SAMD5: variants seen among roughly 807,000 people sequenced by gnomAD.
SAMD5 encodes sterile alpha motif domain-containing protein 5.
In SAMD5, 13 loss-of-function variants were observed where a neutral mutation model predicts 11.3. The observed-to-expected ratio is 1.15, with a 90% CI of 0.75 to 1.83. The LOEUF is 1.83. SAMD5 is among the 40% of genes most tolerant of loss of function. SAMD5 has a pLI of 0.00. For synonymous variants in SAMD5, 129 were observed against 111.3 expected, an observed-to-expected ratio of 1.16 and a Z score of -1.00; for missense variants, 255 against 239.1, an observed-to-expected ratio of 1.07 and a Z score of -0.44.
At chr6:147,688,935 C>T (rs1399257382) in intron 1 of SAMD5, among the ~76,000 whole-genome samples, 1 of 152,174 alleles carries the variant, frequency 6.6e-6, no homozygotes, top group Non-Finnish European at 1.5e-5. Flanking sequence ...TTGTGAAGCA[C>T]CAAAAAGCTC....
In SAMD5 at chr6:147,566,540, G is replaced by A; in HGVS notation, c.*2084G>A. ...TTATTTTCACTGTGGGCCTTATGAGGCAATCTACTGCAATGGAAAAAGGGT... is the reference window on the plus strand; with the variant it reads ...TTATTTTCACTGTGGGCCTTATGAGACAATCTACTGCAATGGAAAAAGGGT... On this transcript the variant is annotated 3_prime_UTR_variant, in exon 2 of 2. Coordinates refer to ENST00000367474, the MANE Select transcript of SAMD5 (RefSeq NM_001030060.3). 1 of 984,670 alleles carries A rather than the reference G, an allele frequency of 1.0e-6. No homozygotes were observed. The highest frequency in any genetic ancestry group is 1.2e-6 in the Non-Finnish European group (1 of 828,928). The allele number at this position is 984,670 out of a possible 1,614,324, so 61.0% of individuals were successfully genotyped here.
the SAMD5 span, chr6:147,953,375 A>T: frequency 6.6e-6 from 1 of 152,280 alleles, no homozygotes; most frequent in East Asian, 1.9e-4. Context: ...AATGGATATG[A>T]AATCTGAAGA....
Position 147,508,984 on chromosome 6 carries a change from C to A in SAMD5, c.56C>A (p.Ala19Glu). ...AAAGCGCTGCAGCTTCCGCAGTACG[C>A]GGAGTCCTTCGTGGATAACGGCTAC... ...WLKALQLPQY[A>E]ESFVDNGYDD... The change falls in exon 1 of 2, where the codon GCG (alanine) becomes GAG (glutamate). Residue 19 changes from alanine to glutamate, a missense_variant. Transcript: ENST00000367474. 6.2e-7 allele frequency: 1 copy of A among 1,601,614 alleles called. No homozygotes were observed.
the SAMD5 span, among the ~76,000 whole-genome samples, chr6:147,903,513 G>T: frequency 1.3e-5 from 2 of 152,156 alleles, no homozygotes; most frequent in Non-Finnish European, 2.9e-5. Flanking sequence ...TCAAGATGGT[G>T]GACTGACCAC....
At chr6:147,794,463 TAA>T in the SAMD5 span, among the ~76,000 whole-genome samples, 1 of 152,150 alleles carries the variant, frequency 6.6e-6, no homozygotes, top group Non-Finnish European at 1.5e-5. Flanking sequence ...TTGCATCATA[TAA>T]AAAGACTTCC....
At chr6:147,751,572 G>A in the SAMD5 span, among the ~76,000 whole-genome samples, 1 of 152,158 alleles carries the variant, frequency 6.6e-6, no homozygotes, top group Non-Finnish European at 1.5e-5. Context: ...TATAATTAAT[G>A]CATGCCGAAG....
the SAMD5 span, among the ~76,000 whole-genome samples, chr6:147,845,116 TTAAG>T: frequency 1.3e-5 from 2 of 152,154 alleles, no homozygotes; most frequent in Admixed American, 1.3e-4. Flanking sequence ...TATACAATTA[TTAAG>T]TATCAATTAA....
intron 1 of SAMD5, among the ~76,000 whole-genome samples, chr6:147,604,672 C>G (rs556677435): frequency 6.6e-6 from 1 of 152,148 alleles, no homozygotes; most frequent in African/African-American, 2.4e-5. Flanking sequence ...GATTCTCCAG[C>G]GCATTGACTT....
Position 147,569,557 on chromosome 6 carries a change from C to T in SAMD5, c.*5101C>T, listed in dbSNP as rs1789103703. On this transcript the variant is annotated 3_prime_UTR_variant, in exon 2 of 2. Transcript: ENST00000367474. ...ATACCCTTAATTAGATGAATTATCC[C>T]TTATCATTCCAAAAATGAAATGCTG... 1.7e-5 allele frequency: 16 copies of T among 941,086 alleles called. No homozygotes were observed. The highest frequency in any genetic ancestry group is 3.6e-5 in the African/African-American group (2 of 56,286). 58.3% of individuals were successfully genotyped at this position (941,086 alleles called of 1,614,324 possible). A position where few individuals can be genotyped will look rare whatever the true frequency, so the allele number is the denominator to read the frequency against.
chr6:147,712,862 T>C (rs893548610), intron 1 of SAMD5, among the ~76,000 whole-genome samples: 1 of 152,154 alleles, frequency 6.6e-6, no homozygotes, highest in Non-Finnish European at 1.5e-5. Context: ...TATTTTGTTA[T>C]AGCAGACTAA....
chr6:147,710,476 C>T (rs750069042), intron 1 of SAMD5, among the ~76,000 whole-genome samples: 11 of 152,146 alleles, frequency 7.2e-5, no homozygotes, highest in Non-Finnish European at 1.5e-4. Flanking sequence ...AGATGTGAAT[C>T]GTGCCTTTGT....
At chr6:147,525,278 G>T (rs1478082294) in intron 1 of SAMD5, among the ~76,000 whole-genome samples, 1 of 146,124 alleles carries the variant, frequency 6.8e-6, no homozygotes, top group African/African-American at 2.6e-5. Flanking sequence ...CTGTCTATGT[G>T]GTTCATGGAA....
At chr6:147,610,325 T>C (rs1562332726) in intron 1 of SAMD5, among the ~76,000 whole-genome samples, 1 of 152,048 alleles carries the variant, frequency 6.6e-6, no homozygotes, top group Non-Finnish European at 1.5e-5. Flanking sequence ...GAAAAAAATG[T>C]CCCCTCTAAA....
chr6:147,770,437 C>A, the SAMD5 span, among the ~76,000 whole-genome samples: 2 of 152,200 alleles, frequency 1.3e-5, no homozygotes, highest in African/African-American at 2.4e-5. Context: ...AACGAGACTG[C>A]TGACTCGGGA....
At chr6:147,686,274 A>G (rs1404127993) in intron 1 of SAMD5, among the ~76,000 whole-genome samples, 3 of 152,124 alleles carry the variant, frequency 2.0e-5, no homozygotes, top group Non-Finnish European at 2.9e-5. Context: ...ATCTCTCAAT[A>G]TTATGTAGTC....
rs1055325900 is a variant in SAMD5, at chr6:147,680,784, G to A, written c.163-56533G>A. Among the ~76,000 whole-genome samples the A allele has an allele frequency of 2.6e-5, 4 of 151,928 alleles. No homozygotes were observed. The East Asian group carries it at 5.8e-4, about 22-fold the overall frequency. On this transcript the variant is annotated intron_variant, in intron 1 of 1. Coordinates refer to the SAMD5 transcript ENST00000566741. ...TTGTTGGTCATATGGTTTTTCTTTC[G>A]TGGTCCTTTAACATGATTAAAATTT...
At chr6:147,940,322 T>C in the SAMD5 span, among the ~76,000 whole-genome samples, 2 of 151,020 alleles carry the variant, frequency 1.3e-5, no homozygotes, top group Non-Finnish European at 3.0e-5. Flanking sequence ...CATAATGTAG[T>C]TTAGGGGGTG....
At chr6:147,831,707 G>A in the SAMD5 span, among the ~76,000 whole-genome samples, 1,139 of 152,310 alleles carry the variant, frequency 7.5e-3, 12 homozygotes, top group Middle Eastern at 0.041. Flanking sequence ...CTAACTACAT[G>A]TGGGAGATCC....
chr6:147,896,534 T>C, the SAMD5 span, among the ~76,000 whole-genome samples: 2 of 151,966 alleles, frequency 1.3e-5, no homozygotes, highest in Non-Finnish European at 2.9e-5. Flanking sequence ...TGCCACATGA[T>C]CTGGCCAGCA....
Sources: gnomAD v4.1 joint callset for allele counts (sites outside exome capture counted in the v4.1 genomes callset) on GRCh38, gnomAD v4.1.1 for gene constraint, MANE v1.5 for transcripts, NCBI Gene and HGNC (gene_info 2026-07-23, HGNC 2026-07-21) for gene names.